Variants in MACROD2 observed in about 807,000 individuals in gnomAD.
MACROD2 encodes mono-ADP ribosylhydrolase 2, also known as ADP-ribose glycohydrolase MACROD2.
In MACROD2, 36 loss-of-function variants were observed where a neutral mutation model predicts 70.4. That is an observed-to-expected ratio of 0.51 (90% CI 0.39 to 0.68). MACROD2 has a LOEUF of 0.68. Ranked by LOEUF, MACROD2 falls within the 30% of genes least tolerant of loss-of-function variation. The pLI is 0.00. For synonymous variants in MACROD2, 172 were observed against 178.8 expected, an observed-to-expected ratio of 0.96 and a Z score of 0.30; for missense variants, 496 against 538.4, an observed-to-expected ratio of 0.92 and a Z score of 0.78.
chr20:14,820,641 TC>T (rs1346798729), intron 5 of MACROD2, among the ~76,000 whole-genome samples: 1 of 152,116 alleles, frequency 6.6e-6, no homozygotes, highest in African/African-American at 2.4e-5. Context: ...TTTATTTTAA[TC>T]TTGTATTGTC....
intron 5 of MACROD2, among the ~76,000 whole-genome samples, chr20:14,926,146 C>A (rs923755996): frequency 1.4e-4 from 22 of 152,036 alleles, no homozygotes; most frequent in African/African-American, 4.8e-4. Flanking sequence ...CATCTTCACA[C>A]TTTTGCCTAA....
intron 3 of MACROD2, among the ~76,000 whole-genome samples, chr20:14,306,865 G>A (rs1253222110): frequency 8.5e-5 from 13 of 152,096 alleles, no homozygotes; most frequent in Admixed American, 1.3e-4. Context: ...CCATGACCCA[G>A]CATTGTCTTC....
At chr20:14,725,610 C>T (rs1270602293) in intron 5 of MACROD2, among the ~76,000 whole-genome samples, 3 of 152,006 alleles carry the variant, frequency 2.0e-5, no homozygotes, top group African/African-American at 7.3e-5. Context: ...AGTGCTGGTA[C>T]GGAAGTAGAA....
chr20:14,187,085 G>A (rs1012408677), intron 3 of MACROD2, among the ~76,000 whole-genome samples: 10 of 149,704 alleles, frequency 6.7e-5, no homozygotes, highest in Admixed American at 4.0e-4. Flanking sequence ...AAACCTGCGC[G>A]TGTACCCCGA....
chr20:15,373,552 G>A (rs886532784), intron 6 of MACROD2, among the ~76,000 whole-genome samples: 15 of 152,086 alleles, frequency 9.9e-5, no homozygotes, highest in Non-Finnish European at 4.4e-5. Flanking sequence ...CTACAGGCAT[G>A]TCACTGCACT....
intron 5 of MACROD2, among the ~76,000 whole-genome samples, chr20:14,990,701 G>A (rs1260783673): frequency 6.6e-6 from 1 of 151,512 alleles, no homozygotes; most frequent in South Asian, 2.1e-4. Context: ...TTTAGTAGAG[G>A]CGGGGTTTCA....
chr20:15,054,272 A>G (rs1470772346), intron 5 of MACROD2, among the ~76,000 whole-genome samples: 1 of 152,260 alleles, frequency 6.6e-6, no homozygotes, highest in Non-Finnish European at 1.5e-5. Flanking sequence ...GAAAAATGCT[A>G]TTAAATAGCA....
At chr20:15,366,303 T>A (rs1248920107) in intron 6 of MACROD2, among the ~76,000 whole-genome samples, 2 of 152,196 alleles carry the variant, frequency 1.3e-5, no homozygotes, top group Non-Finnish European at 2.9e-5. Flanking sequence ...GCCTCTACCA[T>A]GCTCTGGGCT....
intron 5 of MACROD2, among the ~76,000 whole-genome samples, chr20:15,139,396 G>A (rs894954992): frequency 3.9e-5 from 6 of 152,200 alleles, no homozygotes; most frequent in Middle Eastern, 3.4e-3. Context: ...GGGGGGTGTC[G>A]TAGGGGAATG....
intron 7 of MACROD2, among the ~76,000 whole-genome samples, chr20:15,489,442 C>T (rs2047200497): frequency 6.6e-6 from 1 of 152,176 alleles, no homozygotes; most frequent in Non-Finnish European, 1.5e-5. Flanking sequence ...CCAGTCATGT[C>T]CAGAGTGATG....
intron 5 of MACROD2, among the ~76,000 whole-genome samples, chr20:14,954,724 A>ATAAATTATAAATTT (rs1255183954): frequency 1.8e-3 from 19 of 10,696 alleles, no homozygotes; most frequent in Non-Finnish European, 5.1e-3. Flanking sequence ...ATATAAATGT[A>ATAAATTATAAATTT]TAAATATATA....
chr20:14,298,568 C>CAA (rs550543982), intron 3 of MACROD2, among the ~76,000 whole-genome samples: 1 of 35,096 alleles, frequency 2.8e-5, no homozygotes, highest in Non-Finnish European at 6.5e-5. Flanking sequence ...AACTCCACCT[C>CAA]AAAAAAAAAA....
chr20:15,656,128 C>T (rs762288015), intron 8 of MACROD2, among the ~76,000 whole-genome samples: 1 of 151,852 alleles, frequency 6.6e-6, no homozygotes, highest in Non-Finnish European at 1.5e-5. Context: ...TTCTGGGGGC[C>T]GAATAAAAAG....
intron 8 of MACROD2, among the ~76,000 whole-genome samples, chr20:15,560,342 T>G (rs930944637): frequency 2.6e-5 from 4 of 152,188 alleles, no homozygotes; most frequent in Non-Finnish European, 4.4e-5. Flanking sequence ...AAAATTACTT[T>G]GTAAAATTAT....
chr20:15,489,355 G>A (rs1261725748), intron 7 of MACROD2, among the ~76,000 whole-genome samples: 2 of 152,172 alleles, frequency 1.3e-5, no homozygotes, highest in Admixed American at 6.5e-5. Context: ...AAAGGAAGGG[G>A]TAAGACAGGA....
intron 8 of MACROD2, among the ~76,000 whole-genome samples, chr20:15,562,307 T>C (rs2048255325): frequency 6.6e-6 from 1 of 152,140 alleles, no homozygotes; most frequent in South Asian, 2.1e-4. Flanking sequence ...TGTGGGGCCT[T>C]CATATAAGTA....
chr20:14,491,331 C>A (rs1247819902), intron 3 of MACROD2, among the ~76,000 whole-genome samples: 1 of 151,960 alleles, frequency 6.6e-6, no homozygotes, highest in African/African-American at 2.4e-5. Context: ...TTGATGGATT[C>A]TTTGGAAAAA....
intron 15 of MACROD2, among the ~76,000 whole-genome samples, chr20:15,990,539 TG>T (rs749813242): frequency 1.3e-5 from 2 of 152,202 alleles, no homozygotes; most frequent in Non-Finnish European, 2.9e-5. Context: ...AAGTGTAGTG[TG>T]GAATAGTAAT....
At chr20:15,324,238 T>C (rs1331283935) in intron 6 of MACROD2, among the ~76,000 whole-genome samples, 2 of 152,164 alleles carry the variant, frequency 1.3e-5, no homozygotes, top group Non-Finnish European at 2.9e-5. Context: ...GCAAGTACAA[T>C]TTTCACATAC....
Sources: allele counts gnomAD v4.1 joint callset (sites outside exome capture counted in the v4.1 genomes callset), GRCh38; gene constraint gnomAD v4.1.1; transcripts MANE v1.5; gene names NCBI Gene and HGNC (gene_info 2026-07-23, HGNC 2026-07-21).